Variants in BRINP1 observed in about 807,000 individuals in gnomAD.
The protein encoded by BRINP1 is BMP/retinoic acid inducible neural specific 1, also known as BMP/retinoic acid-inducible neural-specific protein 1.
BRINP1 carries 17 observed loss-of-function variants against 72.9 expected under a neutral mutation model. The ratio of observed to expected loss-of-function variants is 0.23; its 90% CI spans 0.16 to 0.35. The LOEUF is 0.35. Ranked by LOEUF, BRINP1 falls within the 10% of genes least tolerant of loss-of-function variation. The probability of loss-of-function intolerance (pLI) is 1.00; values close to 1 mark genes in which losing one functional copy is unlikely to be tolerated. For synonymous variants in BRINP1, 418 were observed against 378.5 expected, an observed-to-expected ratio of 1.10 and a Z score of -1.21; for missense variants, 850 against 1,001.6, an observed-to-expected ratio of 0.85 and a Z score of 2.04.
At chr9:119,366,486 A>G (rs578145676) in intron 1 of BRINP1, among the ~76,000 whole-genome samples, 1 of 107,546 alleles carries the variant, frequency 9.3e-6, no homozygotes, top group Admixed American at 9.4e-5. Context: ...TCTCTCTCTC[A>G]GTCCTCCCCC....
chr9:119,172,600 A>G (rs1829428898), intron 7 of BRINP1, among the ~76,000 whole-genome samples: 1 of 151,536 alleles, frequency 6.6e-6, no homozygotes, highest in Admixed American at 6.6e-5. Flanking sequence ...CAATCAATAG[A>G]AAAAGAGGGA....
chr9:119,173,627 A>AAAGTAAAAG, intron 7 of BRINP1, among the ~76,000 whole-genome samples: 2 of 150,828 alleles, frequency 1.3e-5, no homozygotes, highest in African/African-American at 2.4e-5. Context: ...TCTTCACAGA[A>AAAGTAAAAG]TTGGAAAAAA....
At chr9:119,198,329 C>T (rs1829762662) in intron 7 of BRINP1, among the ~76,000 whole-genome samples, 1 of 152,192 alleles carries the variant, frequency 6.6e-6, no homozygotes, top group African/African-American at 2.4e-5. Context: ...TATGTGTTAA[C>T]CCTGGCATCT....
At chr9:119,280,575 T>G (rs1830700585) in intron 2 of BRINP1, among the ~76,000 whole-genome samples, 1 of 152,048 alleles carries the variant, frequency 6.6e-6, no homozygotes, top group Admixed American at 6.6e-5. Context: ...TGCTGTTGAA[T>G]CAAACCCAAT....
intron 2 of BRINP1, among the ~76,000 whole-genome samples, chr9:119,279,947 G>A (rs1280716848): frequency 6.6e-6 from 1 of 151,750 alleles, no homozygotes; most frequent in East Asian, 1.9e-4. Context: ...TAACCTCCTG[G>A]GAATCTATCC....
intron 1 of BRINP1, among the ~76,000 whole-genome samples, chr9:119,333,136 G>T (rs1042449060): frequency 1.3e-5 from 2 of 151,706 alleles, no homozygotes; most frequent in African/African-American, 4.8e-5. Flanking sequence ...ATCTAGTGTG[G>T]CTTGTGAGTC....
intron 1 of BRINP1, among the ~76,000 whole-genome samples, chr9:119,320,538 C>T (rs1831175633): frequency 6.6e-6 from 1 of 152,070 alleles, no homozygotes; most frequent in African/African-American, 2.4e-5. Flanking sequence ...GTGCGAAGTG[C>T]TCCGAACAAA....
At chr9:119,281,096 C>G (rs962414185) in intron 2 of BRINP1, among the ~76,000 whole-genome samples, 5 of 152,210 alleles carry the variant, frequency 3.3e-5, no homozygotes, top group African/African-American at 9.6e-5. Context: ...AGGGCAAAGC[C>G]AGGGAGTCCA....
intron 1 of BRINP1, among the ~76,000 whole-genome samples, chr9:119,332,052 G>C: frequency 6.6e-6 from 1 of 152,148 alleles, no homozygotes; most frequent in East Asian, 1.9e-4. Context: ...GCAGGGACAA[G>C]CCTCCTGATG....
chr9:119,245,534 C>A (rs998942467), intron 3 of BRINP1, among the ~76,000 whole-genome samples: 2 of 152,116 alleles, frequency 1.3e-5, no homozygotes, highest in African/African-American at 2.4e-5. Flanking sequence ...CCTTCACCCC[C>A]CTTCATAGGA....
intron 5 of BRINP1, among the ~76,000 whole-genome samples, chr9:119,235,119 C>T (rs1435366674): frequency 6.6e-6 from 1 of 152,074 alleles, no homozygotes; most frequent in African/African-American, 2.4e-5. Context: ...GTAGTAGCCC[C>T]CTAAATGTCA....
rs138519110 is a variant in BRINP1 at position 119,180,557 on chromosome 9, G to C, written c.1146-12333C>G. On this transcript the variant is annotated intron_variant, in intron 7 of 7. Coordinates refer to ENST00000265922, the MANE Select transcript of BRINP1 (RefSeq NM_014618.3). Reference sequence around the variant, plus strand: ...TATAAGAGATGAATACGTCAAGTCAGTGGTGTCAGAATACTTGAGATTCCG... The same window carrying C: ...TATAAGAGATGAATACGTCAAGTCACTGGTGTCAGAATACTTGAGATTCCG... 1.4e-4 allele frequency among the ~76,000 whole-genome samples: 22 copies of C among 152,054 alleles called. No homozygotes were observed. The East Asian group carries it at 4.1e-3, about 28-fold the overall frequency.
At chr9:119,358,807 A>T (rs925943456) in intron 1 of BRINP1, among the ~76,000 whole-genome samples, 2 of 151,836 alleles carry the variant, frequency 1.3e-5, no homozygotes, top group Non-Finnish European at 2.9e-5. Context: ...TTACATCTAT[A>T]TCTCATTTCT....
In BRINP1 at chr9:119,291,104, C is replaced by T. The variant is rs1007641671; in HGVS notation, c.218+22034G>A. On this transcript the variant is annotated intron_variant, in intron 2 of 7. Transcript: ENST00000265922. Reference sequence around the variant, plus strand: ...CGCCACTGCACTCCAGCCAGGGCGACAAGAATGAACTCCATCTCAAAAAAA... The same window carrying T: ...CGCCACTGCACTCCAGCCAGGGCGATAAGAATGAACTCCATCTCAAAAAAA... Among the ~76,000 whole-genome samples the T allele has an allele frequency of 7.1e-4, 89 of 124,566 alleles. No individual in the cohort carries two copies. The Admixed American group carries it at 7.4e-3, about 10-fold the overall frequency. 81.7% of individuals were successfully genotyped at this position (124,566 alleles called of 152,430 possible).
chr9:119,246,954 G>C (rs1368985607), intron 3 of BRINP1, among the ~76,000 whole-genome samples: 2 of 152,206 alleles, frequency 1.3e-5, no homozygotes, highest in Admixed American at 6.5e-5. Context: ...ATGTTGTGTT[G>C]TAAAAATAGG....
chr9:119,210,462 A>T (rs1829911032), intron 6 of BRINP1, among the ~76,000 whole-genome samples: 1 of 152,170 alleles, frequency 6.6e-6, no homozygotes, highest in African/African-American at 2.4e-5. Flanking sequence ...TAGCAAACCT[A>T]TGAGGTAGGT....
rs1472222077 is a variant in BRINP1 at position 119,366,526 on chromosome 9, G to A, written c.-51+2530C>T. 3.5e-4 allele frequency among the ~76,000 whole-genome samples: 52 copies of A among 148,674 alleles called. 1 individual carries two copies. Among genetic ancestry groups the A allele is most frequent in the South Asian group, 8.8e-4 (4 of 4,520 alleles). On this transcript the variant is annotated intron_variant, in intron 1 of 7. Coordinates refer to ENST00000265922, the MANE Select transcript of BRINP1 (RefSeq NM_014618.3). ...ACCGTGTGTGTGTGTGTGTGTGTGT[G>A]TGTGTGTGTGTGTGTGTGTGTGTGT...
intron 2 of BRINP1, among the ~76,000 whole-genome samples, chr9:119,284,684 G>T (rs951904925): frequency 4.6e-5 from 7 of 152,020 alleles, no homozygotes; most frequent in African/African-American, 1.4e-4. Flanking sequence ...TGTCCCCAGG[G>T]TTTTTATTAG....
intron 7 of BRINP1, among the ~76,000 whole-genome samples, chr9:119,173,112 G>C (rs1239104546): frequency 6.8e-6 from 1 of 146,254 alleles, no homozygotes; most frequent in Non-Finnish European, 1.5e-5. Context: ...ATTCAACATA[G>C]TGTTGGAAGT....
Sources: gnomAD v4.1 joint callset for allele counts (sites outside exome capture counted in the v4.1 genomes callset) on GRCh38, gnomAD v4.1.1 for gene constraint, MANE v1.5 for transcripts, NCBI Gene and HGNC (gene_info 2026-07-23, HGNC 2026-07-21) for gene names.